Variants in AGBL4 observed in about 807,000 individuals in gnomAD.
AGBL4 encodes cytosolic carboxypeptidase 6.
A neutral mutation model predicts 66.4 loss-of-function variants in AGBL4; 58 were observed. The observed-to-expected ratio is 0.87, with a 90% CI of 0.71 to 1.09. The LOEUF (loss-of-function observed/expected upper bound fraction) is 1.09, where lower values mean the gene tolerates loss of function less well. Among genes scored for constraint, AGBL4 ranks in the 50% least tolerant of loss-of-function variants. The pLI is 0.00. For missense variants in AGBL4, 579 were observed against 631.0 expected (o/e 0.92, Z 0.88); for synonymous variants, 234 against 222.9 (o/e 1.05, Z -0.44).
intron 6 of AGBL4, among the ~76,000 whole-genome samples, chr1:48,859,958 T>A (rs1045093133): frequency 6.6e-6 from 1 of 152,198 alleles, no homozygotes; most frequent in African/African-American, 2.4e-5. Flanking sequence ...CATATAAGAT[T>A]CCCTCTTAGA....
chr1:49,318,589 A>G (rs1392029512), intron 3 of AGBL4, among the ~76,000 whole-genome samples: 1 of 152,142 alleles, frequency 6.6e-6, no homozygotes, highest in African/African-American at 2.4e-5. Context: ...AGTAAAAAAC[A>G]TTTAATGTAT....
intron 1 of AGBL4, among the ~76,000 whole-genome samples, chr1:49,934,373 A>G (rs1653702112): frequency 6.6e-6 from 1 of 152,222 alleles, no homozygotes; most frequent in Non-Finnish European, 1.5e-5. Context: ...AACATTCTCT[A>G]TAAGTAGTCA....
chr1:48,688,521 G>A (rs1212529662), intron 6 of AGBL4, among the ~76,000 whole-genome samples: 1 of 152,188 alleles, frequency 6.6e-6, no homozygotes, highest in Non-Finnish European at 1.5e-5. Flanking sequence ...AGTGTTTGTT[G>A]CTGAGAAATG....
At chr1:49,332,681 A>C (rs1237755955) in intron 3 of AGBL4, among the ~76,000 whole-genome samples, 1 of 152,262 alleles carries the variant, frequency 6.6e-6, no homozygotes, top group Non-Finnish European at 1.5e-5. Flanking sequence ...CAAGTTTAAC[A>C]AGCCAGTTTC....
intron 6 of AGBL4, among the ~76,000 whole-genome samples, chr1:48,700,100 T>A (rs757059073): frequency 4.6e-5 from 7 of 152,144 alleles, no homozygotes; most frequent in Non-Finnish European, 8.8e-5. Context: ...TATTAACTCC[T>A]CTGTGCCCCT....
intron 4 of AGBL4, among the ~76,000 whole-genome samples, chr1:49,106,572 T>G (rs1261530741): frequency 6.6e-6 from 1 of 152,164 alleles, no homozygotes; most frequent in Non-Finnish European, 1.5e-5. Context: ...CATAGTTCAC[T>G]GAACCATAAG....
chr1:49,069,123 G>A (rs1389536141), intron 4 of AGBL4, among the ~76,000 whole-genome samples: 1 of 152,146 alleles, frequency 6.6e-6, no homozygotes, highest in Non-Finnish European at 1.5e-5. Context: ...TGTAGATTCT[G>A]TATATTAGCC....
chr1:49,831,682 C>T (rs1054362586), intron 2 of AGBL4, among the ~76,000 whole-genome samples: 1 of 152,078 alleles, frequency 6.6e-6, no homozygotes, highest in Non-Finnish European at 1.5e-5. Context: ...CATCCTTGTC[C>T]TGTACTGGTT....
intron 1 of AGBL4, among the ~76,000 whole-genome samples, chr1:49,877,838 C>A (rs1317839585): frequency 6.6e-6 from 1 of 151,656 alleles, no homozygotes; most frequent in Non-Finnish European, 1.5e-5. Context: ...AATTTCAGCT[C>A]CTGTTATTGG....
chr1:48,932,077 C>T (rs1655085489), intron 5 of AGBL4, among the ~76,000 whole-genome samples: 1 of 152,148 alleles, frequency 6.6e-6, no homozygotes, highest in African/African-American at 2.4e-5. Flanking sequence ...CTCTCTCCAC[C>T]TGAGCAGTAT....
At chr1:49,593,458 T>C (rs1264998783) in intron 3 of AGBL4, among the ~76,000 whole-genome samples, 1 of 152,092 alleles carries the variant, frequency 6.6e-6, no homozygotes, top group East Asian at 1.9e-4. Context: ...AAAACAACTA[T>C]AACTATACAT....
chr1:49,846,990 A>T (rs1646164146), intron 2 of AGBL4, among the ~76,000 whole-genome samples: 1 of 152,260 alleles, frequency 6.6e-6, no homozygotes, highest in African/African-American at 2.4e-5. Context: ...AGCAAAAACA[A>T]CAAAGCTGGA....
intron 4 of AGBL4, among the ~76,000 whole-genome samples, chr1:49,234,413 T>C (rs1171030877): frequency 6.6e-6 from 1 of 152,152 alleles, no homozygotes; most frequent in African/African-American, 2.4e-5. Flanking sequence ...GAAGTATATA[T>C]AGAAATCCTC....
chr1:49,394,577 C>A (rs928759421), intron 3 of AGBL4, among the ~76,000 whole-genome samples: 1 of 152,096 alleles, frequency 6.6e-6, no homozygotes, highest in Admixed American at 6.6e-5. Context: ...CAGATCCCCC[C>A]TCTTCCTCCA....
intron 5 of AGBL4, among the ~76,000 whole-genome samples, chr1:48,936,419 G>T (rs922288024): frequency 6.6e-6 from 1 of 152,110 alleles, no homozygotes; most frequent in African/African-American, 2.4e-5. Context: ...AAACCTTCAC[G>T]GAGATAATGT....
rs542182460 is a variant in AGBL4 at position 49,774,101 on chromosome 1, G to A, written c.158-76664C>T. Among the ~76,000 whole-genome samples, 43 of 152,316 alleles carry A rather than the reference G, an allele frequency of 2.8e-4. 2 individuals are homozygous for A. In the South Asian group the frequency reaches 8.7e-3, roughly 31 times the overall value. On this transcript the variant is annotated intron_variant, in intron 2 of 13. Transcript: ENST00000371839. ...CATGCCATAGAAATGTATGTCTCAT[G>A]AGCAAGGGTGTCAAGGAAATTTCTC...
At chr1:49,850,256 G>A (rs1205514684) in intron 2 of AGBL4, among the ~76,000 whole-genome samples, 3 of 152,132 alleles carry the variant, frequency 2.0e-5, no homozygotes, top group African/African-American at 7.2e-5. Flanking sequence ...ACAGATGAAG[G>A]CAGAGATTAG....
chr1:49,077,777 G>A (rs1451825211), intron 4 of AGBL4, among the ~76,000 whole-genome samples: 1 of 152,064 alleles, frequency 6.6e-6, no homozygotes, highest in Non-Finnish European at 1.5e-5. Flanking sequence ...AAGAGCTATG[G>A]AAGCAATAAT....
At chr1:49,411,098 G>C (rs1287410629) in intron 3 of AGBL4, among the ~76,000 whole-genome samples, 1 of 152,186 alleles carries the variant, frequency 6.6e-6, no homozygotes, top group East Asian at 1.9e-4. Flanking sequence ...CAGTGGTTCG[G>C]TCCAAGTCCA....
Sources: allele counts gnomAD v4.1 joint callset (sites outside exome capture counted in the v4.1 genomes callset), GRCh38; gene constraint gnomAD v4.1.1; transcripts MANE v1.5; gene names NCBI Gene and HGNC (gene_info 2026-07-23, HGNC 2026-07-21).